Variants in WAPL observed in about 807,000 individuals in gnomAD.
WAPL encodes WAPL cohesin release factor, also known as wings apart-like protein homolog.
A neutral mutation model predicts 121.0 loss-of-function variants in WAPL; 5 were observed. The ratio of observed to expected loss-of-function variants is 0.04; its 90% CI spans 0.02 to 0.09. WAPL has a LOEUF of 0.09. Among genes scored for constraint, WAPL ranks in the 10% least tolerant of loss-of-function variants. WAPL has a pLI of 1.00. For synonymous variants in WAPL, 480 were observed against 481.5 expected (o/e 1.00, Z 0.04); for missense variants, 999 against 1,410.8 (o/e 0.71, Z 4.68).
chr10:86,444,342 T>A (rs1249762005), intron 16 of WAPL, among the ~76,000 whole-genome samples: 1 of 152,166 alleles, frequency 6.6e-6, no homozygotes, highest in Non-Finnish European at 1.5e-5. Flanking sequence ...TTCCAACTCC[T>A]AGGTATAAAT....
At position 86,451,957 on chromosome 10, in the gene WAPL, G is replaced by A; in HGVS notation, c.3114+10C>T. 4 of 1,611,278 alleles carry A rather than the reference G, an allele frequency of 2.5e-6. No homozygotes were observed. The highest frequency in any genetic ancestry group is 1.7e-4 in the Middle Eastern group (1 of 6,044). ...GCAGTTATGAGTTTGTTTTTAAAGTGGTTGCTTACCTGCACTAAAGCCTGG... is the reference window on the plus strand; with the variant it reads ...GCAGTTATGAGTTTGTTTTTAAAGTAGTTGCTTACCTGCACTAAAGCCTGG... On this transcript the variant is annotated intron_variant, in intron 15 of 18. Transcript: ENST00000298767.
chr10:86,472,327 C>G lies in WAPL; in HGVS notation c.1911G>C (p.Gln637His). Residue 637 changes from glutamine to histidine, a missense_variant, in exon 7 of 19, where the codon CAG becomes CAC. Transcript: ENST00000298767. This position sits in a 1 kb window ranked among gnomAD's most constrained non-coding sequence, Gnocchi z 4.2. ...CAACATCGTTGAAGTGCTTCACGTG[C>G]TGAACAACAGTATATAACTGCCAAG... ...REDKELYTVV[Q>H]HVKHFNDVVE... 6.3e-7 allele frequency: 1 copy of G among 1,599,154 alleles called. No individual in the cohort carries two copies. Among genetic ancestry groups the G allele is most frequent in the Non-Finnish European group, 8.5e-7 (1 of 1,176,846 alleles).
intron 2 of WAPL, among the ~76,000 whole-genome samples, chr10:86,516,967 CAGCTACTCGGG>C (rs2132235656): frequency 6.6e-6 from 1 of 152,096 alleles, no homozygotes; most frequent in East Asian, 1.9e-4. Context: ...CCTGTAGTCC[CAGCTACTCGGG>C]AGGCTGAGGC....
intron 12 of WAPL, among the ~76,000 whole-genome samples, chr10:86,455,683 T>TAAAA (rs539594893): frequency 2.2e-3 from 63 of 28,604 alleles, no homozygotes; most frequent in East Asian, 3.0e-3. Flanking sequence ...CAATAAATAC[T>TAAAA]AAAAAAAAAA....
chr10:86,492,123 CTT>C (rs1018067141), intron 4 of WAPL, among the ~76,000 whole-genome samples: 7 of 152,122 alleles, frequency 4.6e-5, no homozygotes, highest in Admixed American at 1.3e-4. Context: ...TTTTAATATT[CTT>C]TGTGTCTGAG....
intron 4 of WAPL, among the ~76,000 whole-genome samples, chr10:86,484,296 G>T (rs900641955): frequency 5.3e-5 from 8 of 152,102 alleles, no homozygotes; most frequent in African/African-American, 1.9e-4. Flanking sequence ...AGGAGTTCAA[G>T]ACCAGCCTCG....
chr10:86,509,308 TCTGCTCAG>T (rs1378409343), intron 2 of WAPL, among the ~76,000 whole-genome samples: 19 of 152,148 alleles, frequency 1.2e-4, no homozygotes, highest in Non-Finnish European at 1.8e-4. Context: ...GACACTACCA[TCTGCTCAG>T]CTGCTCACAT....
At chr10:86,508,428 A>G (rs1442963940) in intron 2 of WAPL, among the ~76,000 whole-genome samples, 2 of 151,848 alleles carry the variant, frequency 1.3e-5, no homozygotes, top group Non-Finnish European at 2.9e-5. Context: ...CACGCATTAA[A>G]CCATCTAGAA....
Position 86,470,957 on chromosome 10 carries a change from A to G in WAPL, c.2142+35T>C, listed in dbSNP as rs771571496. ...GCCAAATAGACTAGTAGTTTTCAACATAAGGCTTCTCAATCTCAGAAACTT... is the reference window on the plus strand; with the variant it reads ...GCCAAATAGACTAGTAGTTTTCAACGTAAGGCTTCTCAATCTCAGAAACTT... On this transcript the variant is annotated intron_variant, in intron 8 of 18. Transcript: ENST00000298767. 3 of 1,575,192 alleles carry G rather than the reference A, an allele frequency of 1.9e-6. No homozygotes were observed. In the African/African-American group the frequency reaches 4.1e-5, roughly 21 times the overall value.
chr10:86,488,159 A>G (rs987714584), intron 4 of WAPL, among the ~76,000 whole-genome samples: 1 of 152,236 alleles, frequency 6.6e-6, no homozygotes, highest in African/African-American at 2.4e-5. Flanking sequence ...GGTATTGGAA[A>G]TATTAGTGTG....
chr10:86,462,486 G>T (rs368347846), intron 9 of WAPL, among the ~76,000 whole-genome samples: 5 of 152,122 alleles, frequency 3.3e-5, no homozygotes, highest in Middle Eastern at 3.4e-3. Flanking sequence ...TTGGGAGGCC[G>T]AGGCGGGCTG....
intron 10 of WAPL, among the ~76,000 whole-genome samples, 195 bp from the exon 11 acceptor site, chr10:86,460,691 C>T (rs1015801606): frequency 6.6e-6 from 1 of 151,972 alleles, no homozygotes; most frequent in East Asian, 1.9e-4. Context: ...TCCATAATCC[C>T]CCAATATCAA....
At chr10:86,517,508 T>C in intron 2 of WAPL, 63 bp downstream of exon 2, 3 of 1,506,160 alleles carry the variant, frequency 2.0e-6, no homozygotes, top group Non-Finnish European at 2.6e-6. Context: ...AGAATTTAAA[T>C]CATTTAAATA....
chr10:86,474,975 G>A (rs1589515203), intron 4 of WAPL, among the ~76,000 whole-genome samples: 1 of 152,170 alleles, frequency 6.6e-6, no homozygotes, highest in Admixed American at 6.5e-5. Context: ...GACACAGTGG[G>A]ATCCAAAAAA....
intron 17 of WAPL, 88 bp downstream of exon 17, chr10:86,443,187 A>G (rs981045491): frequency 5.7e-6 from 6 of 1,043,968 alleles, no homozygotes; most frequent in Non-Finnish European, 8.5e-6. Flanking sequence ...ACACTGAAGA[A>G]ATAAATAAGT....
intron 2 of WAPL, among the ~76,000 whole-genome samples, chr10:86,511,398 C>A (rs1185586529): frequency 1.3e-5 from 2 of 152,232 alleles, no homozygotes; most frequent in East Asian, 3.8e-4. Context: ...CAAGATAAAA[C>A]TGCTCTTACA....
At chr10:86,457,324 T>A (rs1183331417) in intron 12 of WAPL, among the ~76,000 whole-genome samples, 2 of 49,972 alleles carry the variant, frequency 4.0e-5, no homozygotes, top group Non-Finnish European at 6.8e-5. Flanking sequence ...ACCCTGTATC[T>A]ATTAAAAAAA....
intron 4 of WAPL, among the ~76,000 whole-genome samples, chr10:86,495,121 A>C: frequency 6.6e-6 from 1 of 152,338 alleles, no homozygotes; most frequent in South Asian, 2.1e-4. Flanking sequence ...CTCTAATTTT[A>C]ACTTTAAATA....
At chr10:86,440,540 C>A (rs987526982) in intron 17 of WAPL, among the ~76,000 whole-genome samples, 2 of 152,076 alleles carry the variant, frequency 1.3e-5, no homozygotes, top group Non-Finnish European at 2.9e-5. Flanking sequence ...ACCTTGTGAT[C>A]TGCCCACCTT....
Sources: allele counts gnomAD v4.1 joint callset (sites outside exome capture counted in the v4.1 genomes callset), GRCh38; gene constraint gnomAD v4.1.1; non-coding constraint Gnocchi (gnomAD v3.1); transcripts MANE v1.5; gene names NCBI Gene and HGNC (gene_info 2026-07-23, HGNC 2026-07-21).